Variants in CADPS2 observed in about 807,000 individuals in gnomAD.
The protein encoded by CADPS2 is calcium-dependent secretion activator 2.
CADPS2 carries 93 observed loss-of-function variants against 172.5 expected under a neutral mutation model. The ratio of observed to expected loss-of-function variants is 0.54; its 90% confidence interval spans 0.46 to 0.64. The LOEUF is 0.64. Among genes scored for constraint, CADPS2 ranks in the 30% least tolerant of loss-of-function variants. The pLI is 0.00. For synonymous variants in CADPS2, 546 were observed against 555.2 expected (o/e 0.98, Z 0.23); for missense variants, 1,420 against 1,565.9 (o/e 0.91, Z 1.57).
chr7:122,458,343 C>T (rs532225618), intron 14 of CADPS2, among the ~76,000 whole-genome samples: 47 of 152,246 alleles, frequency 3.1e-4, no homozygotes, highest in Non-Finnish European at 5.6e-4. Flanking sequence ...ATAATCCCTT[C>T]TTTTTTATTT....
intron 3 of CADPS2, among the ~76,000 whole-genome samples, chr7:122,637,936 T>A (rs2077233672): frequency 6.6e-6 from 1 of 152,208 alleles, no homozygotes; most frequent in South Asian, 2.1e-4. Flanking sequence ...GCTGGCATAA[T>A]GTTTTTGATG....
intron 8 of CADPS2, among the ~76,000 whole-genome samples, chr7:122,545,791 A>G (rs1215748107): frequency 2.0e-5 from 3 of 152,184 alleles, no homozygotes; most frequent in Non-Finnish European, 4.4e-5. Flanking sequence ...AACTGACAGA[A>G]AAGATGAGGC....
At chr7:122,409,222 A>G (rs10258309) in intron 19 of CADPS2, among the ~76,000 whole-genome samples, 1,546 of 152,354 alleles carry the variant, frequency 0.01, 29 homozygotes, top group African/African-American at 0.035. Flanking sequence ...TAGTGGTGAC[A>G]AAAGAAGAAC....
intron 1 of CADPS2, among the ~76,000 whole-genome samples, chr7:122,814,185 G>GA (rs148266415): frequency 0.012 from 1,699 of 146,186 alleles, 22 homozygotes; most frequent in African/African-American, 0.032. Flanking sequence ...ATTTGGAAGG[G>GA]AAAAAAAAAA....
intron 1 of CADPS2, among the ~76,000 whole-genome samples, chr7:122,817,653 G>A (rs919696968): frequency 2.0e-5 from 3 of 151,888 alleles, no homozygotes; most frequent in Non-Finnish European, 4.4e-5. Context: ...AAAGGGGCAA[G>A]TACCCCAATC....
chr7:122,816,948 C>A (rs1801611442), intron 1 of CADPS2, among the ~76,000 whole-genome samples: 1 of 151,744 alleles, frequency 6.6e-6, no homozygotes, highest in Non-Finnish European at 1.5e-5. Flanking sequence ...CATCCTGGCT[C>A]AAAAAGCACC....
intron 14 of CADPS2, 91 bp downstream of exon 14, chr7:122,471,284 C>A: frequency 1.6e-4 from 64 of 412,822 alleles, no homozygotes; most frequent in Middle Eastern, 5.8e-4. Context: ...TATTTACAAT[C>A]TGTTACTGGG....
At chr7:122,801,423 G>T (rs1797623959) in intron 1 of CADPS2, among the ~76,000 whole-genome samples, 1 of 152,176 alleles carries the variant, frequency 6.6e-6, no homozygotes, top group African/African-American at 2.4e-5. Context: ...GTGCTTGAAA[G>T]ATTTTGATCT....
intron 25 of CADPS2, chr7:122,366,794 T>C (rs1276319115): frequency 6.6e-6 from 1 of 150,608 alleles, no homozygotes; most frequent in African/African-American, 2.4e-5. Flanking sequence ...GCGAAACTAC[T>C]TATTTGAAGC....
chr7:122,483,599 T>C (rs2057517196), intron 11 of CADPS2, among the ~76,000 whole-genome samples: 2 of 152,088 alleles, frequency 1.3e-5, no homozygotes, highest in Non-Finnish European at 2.9e-5. Flanking sequence ...CATTTTTCTT[T>C]CACTTTTAAT....
At chr7:122,701,943 C>T in intron 2 of CADPS2, 1 of 1,613,592 alleles carries the variant, frequency 6.2e-7, no homozygotes, top group Non-Finnish European at 8.5e-7. Flanking sequence ...ATGCGTACTA[C>T]ATCTTGGGGT....
At chr7:122,677,387 C>T (rs78966774) in intron 2 of CADPS2, among the ~76,000 whole-genome samples, 2,472 of 152,230 alleles carry the variant, frequency 0.016, 62 homozygotes, top group African/African-American at 0.056. Context: ...GGCCTTAAGG[C>T]AGCTCCCTGG....
chr7:122,840,449 C>T (rs1474897093), intron 1 of CADPS2, among the ~76,000 whole-genome samples: 2 of 151,092 alleles, frequency 1.3e-5, no homozygotes, highest in African/African-American at 4.9e-5. Flanking sequence ...AAAAAAAATG[C>T]ACACAAACAT....
intron 17 of CADPS2, among the ~76,000 whole-genome samples, chr7:122,426,715 T>C (rs538169234): frequency 9.8e-4 from 150 of 152,334 alleles, no homozygotes; most frequent in African/African-American, 3.3e-3. Context: ...ATGAAAGCCA[T>C]GCTGCTATGT....
intron 25 of CADPS2, among the ~76,000 whole-genome samples, chr7:122,367,314 A>G (rs2041049334): frequency 6.6e-6 from 1 of 152,136 alleles, no homozygotes; most frequent in South Asian, 2.1e-4. Flanking sequence ...GAGAGAATGT[A>G]TATATACCCG....
At chr7:122,506,501 A>G (rs890258168) in intron 9 of CADPS2, among the ~76,000 whole-genome samples, 2 of 152,278 alleles carry the variant, frequency 1.3e-5, no homozygotes, top group East Asian at 1.9e-4. Context: ...TTTGTCCTCA[A>G]TTGCCAACCT....
At chr7:122,800,556 G>A (rs547451724) in intron 1 of CADPS2, among the ~76,000 whole-genome samples, 15 of 152,254 alleles carry the variant, frequency 9.9e-5, no homozygotes, top group Non-Finnish European at 2.2e-4. Flanking sequence ...CCTTAATGCT[G>A]TTAACTGCCT....
chr7:122,773,214 G>A (rs2093757797), intron 1 of CADPS2, among the ~76,000 whole-genome samples: 2 of 151,932 alleles, frequency 1.3e-5, no homozygotes, highest in African/African-American at 2.4e-5. Context: ...GAAAGGACAC[G>A]GTGATATGGA....
intron 15 of CADPS2, among the ~76,000 whole-genome samples, chr7:122,448,574 G>A (rs1298663292): frequency 6.6e-6 from 1 of 152,160 alleles, no homozygotes; most frequent in Admixed American, 6.6e-5. Flanking sequence ...AATAAATGAC[G>A]TGGACATCCC....
Sources: allele counts gnomAD v4.1 joint callset (sites outside exome capture counted in the v4.1 genomes callset), GRCh38; gene constraint gnomAD v4.1.1; transcripts MANE v1.5; gene names NCBI Gene and HGNC (gene_info 2026-07-23, HGNC 2026-07-21).